The following NEB variants were observed in gnomAD, a reference collection of about 807,000 sequenced individuals.
NEB encodes nemaline myopathy type 2.
NEB carries 512 observed loss-of-function variants against 952.2 expected under a neutral mutation model. The observed-to-expected ratio is 0.54, with a 90% CI of 0.50 to 0.58. The LOEUF (loss-of-function observed/expected upper bound fraction) is 0.58, where lower values mean the gene tolerates loss of function less well. Among genes scored for constraint, NEB ranks in the 20% least tolerant of loss-of-function variants. The probability of loss-of-function intolerance (pLI) is 0.00; values close to 1 mark genes in which losing one functional copy is unlikely to be tolerated. For missense variants in NEB, 8,428 were observed against 9,231.1 expected (o/e 0.91, Z 3.56); for synonymous variants, 2,900 against 3,149.8 (o/e 0.92, Z 2.66).
At position 151,491,487 on chromosome 2, in the gene NEB, CAA is replaced by C. The variant is rs1401804443; in HGVS notation, c.25150+194_25150+195del. The C allele has an allele frequency of 2.1e-5, 10 of 478,766 alleles. No individual in the cohort carries two copies. The East Asian group carries it at 3.2e-4, about 15-fold the overall frequency. The allele number at this position is 478,766 out of a possible 1,614,324, so 29.7% of individuals were successfully genotyped here. A position where few individuals can be genotyped will look rare whatever the true frequency, so the allele number is the denominator to read the frequency against. On this transcript the variant is annotated intron_variant, in intron 179 of 181. Coordinates refer to ENST00000397345, the MANE Select transcript of NEB (RefSeq NM_001164508.2). ...GGAGACATGCACTGAGGCAGTGAAA[CAA>C]AATTTTTTCTAACTTGAACTTATCT...
chr2:151,496,760 T>TTAAC (rs1429278880), intron 172 of NEB, among the ~76,000 whole-genome samples, 181 bp downstream of exon 172: 1 of 151,910 alleles, frequency 6.6e-6, no homozygotes, highest in Non-Finnish European at 1.5e-5. Context: ...AAAATCAAAA[T>TTAAC]TAACTGTATT....
chr2:151,617,965 C>G (rs2098259809), intron 74 of NEB, among the ~76,000 whole-genome samples: 1 of 152,048 alleles, frequency 6.6e-6, no homozygotes, highest in African/African-American at 2.4e-5. Flanking sequence ...GAGGCTGAGG[C>G]AAGAGAATTG....
Position 151,677,762 on chromosome 2 carries a change from T to C in NEB, c.3577A>G (p.Lys1193Glu). The C allele has an allele frequency of 6.2e-7, 1 of 1,613,996 alleles. No homozygotes were observed. The highest frequency in any genetic ancestry group is 8.5e-7 in the Non-Finnish European group (1 of 1,179,878). Residue 1193 changes from lysine to glutamate, a missense_variant, in exon 34 of 182, where the codon AAG becomes GAG. By Grantham distance (56) the Lys-to-Glu change is moderately conservative (BLOSUM62 1). Around this residue, in one of 11 missense-constraint regions of NEB, gnomAD observed 2,851 missense variants for 2,791.5 expected, o/e 1.02. Transcript: ENST00000397345. ...TTCATCCAGTTGTTGTAGTCTTCCT[T>C]GTAGACGTTCTACAGCAATGGAGAA... ...MMQIQSDNVY[K>E]EDYNNWMKGI... is the part of the protein sequence containing the mutation.
chr2:151,718,043 C>T (rs147635867), intron 9 of NEB, among the ~76,000 whole-genome samples: 222 of 152,128 alleles, frequency 1.5e-3, no homozygotes, highest in African/African-American at 4.0e-3. Context: ...TTAGTAGAGA[C>T]GGGGTTTCAC....
chr2:151,685,075 G>T, intron 27 of NEB, 100 bp from the exon 28 acceptor site: 1 of 1,246,100 alleles, frequency 8.0e-7, no homozygotes, highest in Non-Finnish European at 1.1e-6. Flanking sequence ...TAGAGAAAGA[G>T]TCAAACATCT....
chr2:151,655,509 G>C, intron 50 of NEB, 135 bp from the exon 51 acceptor site: 1 of 515,518 alleles, frequency 1.9e-6, no homozygotes. Flanking sequence ...ATATAATTCA[G>C]AAAAGACCCT....
At chr2:151,643,766 T>A in intron 57 of NEB, 52 bp downstream of exon 57, 2 of 1,586,092 alleles carry the variant, frequency 1.3e-6, no homozygotes, top group South Asian at 2.3e-5. Flanking sequence ...ACTCTGATAC[T>A]TTAAAAAGCA....
chr2:151,518,781 G>A (rs1365104288), intron 155 of NEB, among the ~76,000 whole-genome samples, 184 bp downstream of exon 155: 1 of 152,156 alleles, frequency 6.6e-6, no homozygotes, highest in Non-Finnish European at 1.5e-5. Flanking sequence ...ATTCTGAGAG[G>A]TGTTACAGAC....
At chr2:151,546,750 G>A (rs1482891446) in intron 133 of NEB, among the ~76,000 whole-genome samples, 3 of 151,746 alleles carry the variant, frequency 2.0e-5, no homozygotes, top group Non-Finnish European at 4.4e-5. Context: ...GTAGAGACAG[G>A]GTTTCACCAT....
chr2:151,725,856 CCTAAAT>C (rs1206010932), intron 5 of NEB, among the ~76,000 whole-genome samples: 2 of 151,982 alleles, frequency 1.3e-5, no homozygotes, highest in South Asian at 4.2e-4. Flanking sequence ...ACATAAAAAG[CCTAAAT>C]CTCAATTATT....
intron 80 of NEB, 36 bp downstream of exon 80, chr2:151,610,480 G>T: frequency 6.6e-7 from 1 of 1,511,356 alleles, no homozygotes; most frequent in Non-Finnish European, 9.2e-7. Flanking sequence ...GTTCAGCACA[G>T]TGGAGACCAC....
In NEB at chr2:151,643,185, C is replaced by T. The variant is rs368637389; in HGVS notation, c.8125G>A (p.Val2709Ile). ...FSSLMDSIPM[V>I]LAKNNAITMN... ...GTAATAGCATTGTTTTTTGCCAAAA[C>T]CATTGGTATGGAATCCATAAGGCTG... is the stretch of plus-strand genomic sequence containing the variant. The change falls in exon 58 of 182, where the codon GTT becomes ATT. Residue 2709 changes from valine to isoleucine, a missense_variant. By Grantham distance (29) the Val-to-Ile change is conservative. Transcript: ENST00000397345. The T allele has an allele frequency of 4.4e-5, 71 of 1,613,688 alleles. No individual in the cohort carries two copies. The African/African-American group carries it at 7.5e-4, about 17-fold the overall frequency.
chr2:151,663,088 A>G (rs143524804), intron 45 of NEB, among the ~76,000 whole-genome samples: 37 of 152,322 alleles, frequency 2.4e-4, no homozygotes, highest in African/African-American at 8.2e-4. Context: ...AGGCTGCCTC[A>G]GTCATCACCT....
At chr2:151,540,304 C>T (rs1424885609) in intron 138 of NEB, 40 bp downstream of exon 138, 2 of 1,242,046 alleles carry the variant, frequency 1.6e-6, no homozygotes, top group Non-Finnish European at 2.3e-6. Flanking sequence ...AACCTCAGCT[C>T]TCCCCATCAC....
At chr2:151,629,480 A>G in intron 68 of NEB, 59 bp downstream of exon 68, 2 of 1,372,510 alleles carry the variant, frequency 1.5e-6, no homozygotes, top group Non-Finnish European at 2.1e-6. Context: ...TTATAATAGT[A>G]ATAATCCTGC....
At chr2:151,503,571 A>G in intron 165 of NEB, 130 bp from the exon 166 acceptor site, 2 of 588,402 alleles carry the variant, frequency 3.4e-6, no homozygotes, top group Non-Finnish European at 6.0e-6. Context: ...TTCAAGGAAC[A>G]GGGGGGAAAA....
Position 151,643,925 on chromosome 2 carries a change from T to G in NEB, c.7849A>C (p.Thr2617Pro), listed in dbSNP as rs778062591. 3 of 1,613,900 alleles carry G rather than the reference T, an allele frequency of 1.9e-6. No individual in the cohort carries two copies. Among genetic ancestry groups the G allele is most frequent in the Non-Finnish European group, 2.5e-6 (3 of 1,179,824 alleles). ...LGVVLAKKCQ[T>P]LVSDVDYKNY... ...TTGTAGTCCACGTCGCTGACTAAGGTCTGGCACTTCTTGGCCAACACCACC... is the reference window on the plus strand; with the variant it reads ...TTGTAGTCCACGTCGCTGACTAAGGGCTGGCACTTCTTGGCCAACACCACC... The change falls in exon 57 of 182, where the codon ACC becomes CCC. Residue 2617 changes from threonine (T) to proline (P), a missense_variant. By Grantham distance (38) the Thr-to-Pro change is conservative. Transcript: ENST00000397345.
chr2:151,509,951 A>G (rs1172565683), intron 161 of NEB, among the ~76,000 whole-genome samples: 1 of 152,230 alleles, frequency 6.6e-6, no homozygotes, highest in African/African-American at 2.4e-5. Context: ...GAAGGCCTGG[A>G]AATTATCACC....
chr2:151,567,199 T>A lies in NEB; in HGVS notation c.18125A>T (p.Gln6042Leu). Residue 6042 changes from glutamine to leucine, a missense_variant, in exon 114 of 182, where the codon CAG becomes CTG. Transcript: ENST00000397345. ...CTGTAGGTCATAGGCCTTTCTTGCC[T>A]GAATAACATCGTTCTGGTCAGGATG... ...MCHPDQNDVI[Q>L]ARKAYDLQSD... The A allele has an allele frequency of 6.2e-7, 1 of 1,610,452 alleles. No homozygotes were observed. Among genetic ancestry groups the A allele is most frequent in the Non-Finnish European group, 8.5e-7 (1 of 1,177,426 alleles).
Sources: allele counts gnomAD v4.1 joint callset (sites outside exome capture counted in the v4.1 genomes callset), GRCh38; gene constraint gnomAD v4.1.1; regional missense constraint gnomAD v4.1.1; transcripts MANE v1.5; gene names NCBI Gene and HGNC (gene_info 2026-07-23, HGNC 2026-07-21).